AGBL1: variants seen among roughly 807,000 people sequenced by gnomAD.
AGBL1 encodes AGBL carboxypeptidase 1.
Under a neutral mutation model 118.9 loss-of-function variants are expected in AGBL1, and 130 were observed. That is an observed-to-expected ratio of 1.09 (90% CI 0.95 to 1.26). AGBL1 has a LOEUF of 1.26. Ranked by LOEUF, AGBL1 falls within the 50% of genes most tolerant of loss-of-function variation. AGBL1 has a pLI of 0.00. For synonymous variants in AGBL1, 555 were observed against 478.9 expected (o/e 1.16, Z -2.08); for missense variants, 1,584 against 1,298.1 (o/e 1.22, Z -3.38).
chr15:86,702,106 A>G (rs2086370542), intron 22 of AGBL1, among the ~76,000 whole-genome samples: 1 of 151,894 alleles, frequency 6.6e-6, no homozygotes, highest in Admixed American at 6.6e-5. Flanking sequence ...CATAGCTCCA[A>G]TCCATAGCTC....
At chr15:86,301,543 G>C (rs1198269296) in intron 17 of AGBL1, among the ~76,000 whole-genome samples, 1 of 151,708 alleles carries the variant, frequency 6.6e-6, no homozygotes, top group East Asian at 1.9e-4. Context: ...TTCTTGTCTT[G>C]GGATTTCCAT....
chr15:87,031,373 T>C (rs1366625552), downstream of AGBL1, among the ~76,000 whole-genome samples: 1 of 151,844 alleles, frequency 6.6e-6, no homozygotes, highest in African/African-American at 2.4e-5. Context: ...TTACAGCAAA[T>C]AGGAATAAAT....
chr15:86,839,706 C>A (rs911272389), intron 22 of AGBL1, among the ~76,000 whole-genome samples: 1 of 152,110 alleles, frequency 6.6e-6, no homozygotes, highest in African/African-American at 2.4e-5. Context: ...TCCTGAGTAC[C>A]AAAATTGCCT....
chr15:86,455,636 A>G lies in AGBL1; in HGVS notation c.2555+58090A>G, dbSNP rs549799174. 3.3e-5 allele frequency among the ~76,000 whole-genome samples: 5 copies of G among 152,274 alleles called. No homozygotes were observed. In the East Asian group the frequency reaches 5.8e-4, roughly 18 times the overall value. ...TAAAATTTGGCTTTCTTTTTTCCTAACATAATAAAAGCTAACATTTGTGCT... is the reference window on the plus strand; with the variant it reads ...TAAAATTTGGCTTTCTTTTTTCCTAGCATAATAAAAGCTAACATTTGTGCT... On this transcript the variant is annotated intron_variant, in intron 18 of 22. Transcript: ENST00000614907.
At chr15:86,190,822 T>C (rs1269625112) in intron 5 of AGBL1, among the ~76,000 whole-genome samples, 1 of 152,174 alleles carries the variant, frequency 6.6e-6, no homozygotes, top group Non-Finnish European at 1.5e-5. Context: ...AAGGTAACAA[T>C]GTAGGGGCAA....
intron 18 of AGBL1, among the ~76,000 whole-genome samples, chr15:86,483,434 A>G (rs542491124): frequency 1.3e-5 from 2 of 152,190 alleles, no homozygotes; most frequent in South Asian, 4.1e-4. Context: ...CTAGGAAAAA[A>G]TGCCTAATGG....
intron 17 of AGBL1, among the ~76,000 whole-genome samples, chr15:86,334,387 A>G (rs1318493521): frequency 6.6e-6 from 1 of 152,208 alleles, no homozygotes; most frequent in Admixed American, 6.5e-5. Flanking sequence ...ATTCAAACTG[A>G]GAACCCAATC....
intron 22 of AGBL1, among the ~76,000 whole-genome samples, chr15:86,833,932 A>T (rs2079139427): frequency 2.0e-5 from 3 of 152,100 alleles, no homozygotes; most frequent in Admixed American, 2.0e-4. Context: ...AAAGACCCTC[A>T]GTTTCCCAAA....
chr15:86,770,063 G>T (rs144516578), intron 22 of AGBL1, among the ~76,000 whole-genome samples: 2 of 152,032 alleles, frequency 1.3e-5, no homozygotes, highest in Admixed American at 1.3e-4. Context: ...AAAATATTCT[G>T]CCCAGGTTGT....
intron 22 of AGBL1, among the ~76,000 whole-genome samples, chr15:86,902,253 T>C (rs1417458986): frequency 6.6e-6 from 1 of 152,200 alleles, no homozygotes; most frequent in Non-Finnish European, 1.5e-5. Flanking sequence ...GGCTCATCTA[T>C]CTCCTCTCCA....
At chr15:86,707,858 C>A (rs956190450) in intron 22 of AGBL1, among the ~76,000 whole-genome samples, 2 of 152,006 alleles carry the variant, frequency 1.3e-5, no homozygotes, top group Non-Finnish European at 2.9e-5. Flanking sequence ...GTTAACCAAT[C>A]TTTAAAGGGG....
At chr15:86,921,699 G>A (rs181971244) in intron 23 of AGBL1, among the ~76,000 whole-genome samples, 14 of 152,324 alleles carry the variant, frequency 9.2e-5, no homozygotes, top group African/African-American at 2.6e-4. Context: ...GGATGCAGTA[G>A]AAGGCAGCAC....
chr15:86,601,510 T>C (rs1318456072), intron 21 of AGBL1, among the ~76,000 whole-genome samples: 1 of 152,262 alleles, frequency 6.6e-6, no homozygotes, highest in Non-Finnish European at 1.5e-5. Flanking sequence ...TGCAAGTGGG[T>C]TAATTAATTC....
At chr15:86,536,190 T>C (rs115973047) in intron 19 of AGBL1, among the ~76,000 whole-genome samples, 115 of 152,370 alleles carry the variant, frequency 7.5e-4, no homozygotes, top group African/African-American at 2.5e-3. Flanking sequence ...CTACATTTAA[T>C]TGAATTGCTT....
intron 3 of AGBL1, among the ~76,000 whole-genome samples, chr15:86,150,022 T>C (rs2077086224): frequency 1.3e-5 from 2 of 152,184 alleles, no homozygotes; most frequent in South Asian, 4.1e-4. Flanking sequence ...TGCTCCTGAA[T>C]AACTACTGGG....
chr15:86,174,418 T>C (rs1413326649), intron 5 of AGBL1, among the ~76,000 whole-genome samples: 1 of 152,152 alleles, frequency 6.6e-6, no homozygotes, highest in African/African-American at 2.4e-5. Flanking sequence ...CTTTCTGTTT[T>C]CCAATTTAAG....
chr15:86,177,377 T>C (rs918250563), intron 5 of AGBL1, among the ~76,000 whole-genome samples: 2 of 152,140 alleles, frequency 1.3e-5, no homozygotes, highest in Non-Finnish European at 2.9e-5. Flanking sequence ...TTCTGAATAA[T>C]TGATAGAATA....
intron 22 of AGBL1, among the ~76,000 whole-genome samples, chr15:86,888,027 G>A (rs1444393657): frequency 2.0e-5 from 3 of 151,958 alleles, no homozygotes; most frequent in South Asian, 2.1e-4. Flanking sequence ...TCACCACTCC[G>A]GCTGCCTCTA....
At chr15:86,250,907 A>G (rs903647507) in intron 7 of AGBL1, among the ~76,000 whole-genome samples, 18 of 152,192 alleles carry the variant, frequency 1.2e-4, no homozygotes, top group African/African-American at 4.3e-4. Context: ...TTCAGTTGCC[A>G]TTTGCAAATT....
Sources: gnomAD v4.1 joint callset for allele counts (sites outside exome capture counted in the v4.1 genomes callset) on GRCh38, gnomAD v4.1.1 for gene constraint, MANE v1.5 for transcripts, NCBI Gene and HGNC (gene_info 2026-07-23, HGNC 2026-07-21) for gene names.